Variants in CDC42BPA observed in about 807,000 individuals in gnomAD.
CDC42BPA encodes the protein CDC42 binding protein kinase alpha, also known as serine/threonine-protein kinase MRCK alpha.
Under a neutral mutation model 223.5 loss-of-function variants are expected in CDC42BPA, and 80 were observed. The ratio of observed to expected loss-of-function variants is 0.36; its 90% CI spans 0.30 to 0.43. CDC42BPA has a LOEUF of 0.43. Ranked by LOEUF, CDC42BPA falls within the 20% of genes least tolerant of loss-of-function variation. CDC42BPA has a pLI of 1.00. For synonymous variants in CDC42BPA, 694 were observed against 718.6 expected, an observed-to-expected ratio of 0.97 and a Z score of 0.55; for missense variants, 1,743 against 2,099.9, an observed-to-expected ratio of 0.83 and a Z score of 3.32.
At chr1:227,146,954 T>A (rs1660814062) in intron 7 of CDC42BPA, among the ~76,000 whole-genome samples, 1 of 152,210 alleles carries the variant, frequency 6.6e-6, no homozygotes, top group East Asian at 1.9e-4. Context: ...ATTTTTCTTT[T>A]GATCTTTGCT....
chr1:227,028,121 C>CAAAA (rs10634100), intron 30 of CDC42BPA, among the ~76,000 whole-genome samples: 1 of 140,292 alleles, frequency 7.1e-6, no homozygotes, highest in Non-Finnish European at 1.5e-5. Flanking sequence ...CTCCATCTCT[C>CAAAA]AAAAAAAAAA....
chr1:227,228,285 G>A (rs1406053530), intron 2 of CDC42BPA, among the ~76,000 whole-genome samples: 7 of 152,162 alleles, frequency 4.6e-5, no homozygotes, highest in African/African-American at 1.4e-4. Flanking sequence ...TACAATATGT[G>A]GCTTTTTGTT....
intron 21 of CDC42BPA, among the ~76,000 whole-genome samples, chr1:227,054,063 A>G (rs1317737368): frequency 2.0e-5 from 3 of 151,906 alleles, no homozygotes; most frequent in Non-Finnish European, 2.9e-5. Flanking sequence ...TAAGGTATCT[A>G]AGTAGGGGAC....
At chr1:227,056,969 G>A (rs1390527871) in intron 21 of CDC42BPA, among the ~76,000 whole-genome samples, 1 of 152,108 alleles carries the variant, frequency 6.6e-6, no homozygotes, top group Non-Finnish European at 1.5e-5. Context: ...TATACATAAT[G>A]CACCTTGTTT....
intron 1 of CDC42BPA, among the ~76,000 whole-genome samples, chr1:227,275,258 A>C (rs1352340339): frequency 1.1e-5 from 1 of 91,104 alleles, no homozygotes; most frequent in East Asian, 3.7e-4. Context: ...GAGGGCATTT[A>C]GAATGGAATA....
intron 34 of CDC42BPA, among the ~76,000 whole-genome samples, chr1:227,014,603 C>T (rs1238800837): frequency 1.3e-5 from 2 of 151,910 alleles, no homozygotes; most frequent in African/African-American, 4.8e-5. Flanking sequence ...TGACTGCACA[C>T]CGAATTATAT....
chr1:227,275,502 A>G (rs1164489847), intron 1 of CDC42BPA, among the ~76,000 whole-genome samples: 2 of 147,950 alleles, frequency 1.4e-5, no homozygotes, highest in Admixed American at 1.4e-4. Context: ...CCAAAAATTC[A>G]CAAGATTGAT....
rs144944099 is a variant in CDC42BPA, at chr1:227,135,559, A to C, written c.1390+4017T>G. 3.8e-4 allele frequency among the ~76,000 whole-genome samples: 58 copies of C among 152,268 alleles called. No individual in the cohort carries two copies. The South Asian group carries it at 0.011, about 29-fold the overall frequency. On this transcript the variant is annotated intron_variant, in intron 10 of 36. Coordinates refer to ENST00000366766, the MANE Select transcript of CDC42BPA (RefSeq NM_001394014.1). ...TCAAAGGTAGGGTTGAGTCTAATTAAAAATGCAATTTAGGGGCAGGCACAG... is the reference window on the plus strand; with the variant it reads ...TCAAAGGTAGGGTTGAGTCTAATTACAAATGCAATTTAGGGGCAGGCACAG...
At chr1:227,018,767 CAT>C (rs1427447470) in intron 32 of CDC42BPA, among the ~76,000 whole-genome samples, 1 of 152,166 alleles carries the variant, frequency 6.6e-6, no homozygotes, top group African/African-American at 2.4e-5. Context: ...TCTTCCAGTG[CAT>C]ATACATTATG....
intron 1 of CDC42BPA, among the ~76,000 whole-genome samples, chr1:227,272,939 A>G (rs1360382375): frequency 1.3e-5 from 2 of 152,230 alleles, no homozygotes; most frequent in Non-Finnish European, 2.9e-5. Context: ...CAGAGACTAA[A>G]CTATTTACTA....
Position 227,068,512 on chromosome 1 carries a change from TAAGA to T in CDC42BPA, c.2904+1261_2904+1264del, listed in dbSNP as rs537881314. On this transcript the variant is annotated intron_variant, in intron 21 of 36. Coordinates refer to ENST00000366766, the MANE Select transcript of CDC42BPA (RefSeq NM_001394014.1). ...GATAAATCCTTCATTATATTTAAGA[TAAGA>T]AAGAAGCATATTTTGGCTCACATAA... 1.4e-3 allele frequency: 292 copies of T among 204,952 alleles called. 2 individuals are homozygous for T. Among genetic ancestry groups the T allele is most frequent in the African/African-American group, 6.5e-3 (274 of 42,036 alleles). The allele number at this position is 204,952 out of a possible 1,614,324, so 12.7% of individuals were successfully genotyped here.
chr1:227,068,949 G>A (rs1677688232), intron 21 of CDC42BPA: 1 of 155,206 alleles, frequency 6.4e-6, no homozygotes, highest in Admixed American at 6.6e-5. Context: ...TGCCCAAAAT[G>A]TAATAAAATG....
At chr1:227,105,679 C>T (rs1685796986) in intron 14 of CDC42BPA, among the ~76,000 whole-genome samples, 1 of 152,078 alleles carries the variant, frequency 6.6e-6, no homozygotes, top group African/African-American at 2.4e-5. Flanking sequence ...TAAATTATTT[C>T]ATATAAGTGG....
intron 1 of CDC42BPA, among the ~76,000 whole-genome samples, chr1:227,270,370 C>T (rs1001843232): frequency 6.6e-6 from 1 of 152,116 alleles, no homozygotes; most frequent in Admixed American, 6.6e-5. Context: ...ATAGGAAAGA[C>T]GGCACCTCCA....
In CDC42BPA at chr1:227,143,041, C is replaced by T; in HGVS notation, c.1144-17G>A. On this transcript the variant is annotated splice_polypyrimidine_tract_variant and intron_variant, in intron 8 of 36. Transcript: ENST00000366766. ...CATCGTTTCCTAAAGGAGGAAAAAA[C>T]ATCTGGTAAGAAATAGATAGCTATA... The T allele has an allele frequency of 1.3e-6, 2 of 1,492,758 alleles. No individual in the cohort carries two copies. The highest frequency in any genetic ancestry group is 1.8e-6 in the Non-Finnish European group (2 of 1,125,950). 92.5% of individuals were successfully genotyped at this position (1,492,758 alleles called of 1,614,324 possible). A position where few individuals can be genotyped will look rare whatever the true frequency, so the allele number is the denominator to read the frequency against.
rs1040804783 is a variant in CDC42BPA at position 226,994,698 on chromosome 1, A to AG, written c.5133+124dup. 1.4e-5 allele frequency: 14 copies of AG among 1,019,684 alleles called. No homozygotes were observed. The African/African-American group carries it at 2.3e-4, about 16-fold the overall frequency. 63.2% of individuals were successfully genotyped at this position (1,019,684 alleles called of 1,614,324 possible). ...CTGGCCTAGCTGCCCGCTGGCCAAG[A>AG]GTGAATGCTGGCCCCTGACCCCGAA... On this transcript the variant is annotated intron_variant, in intron 36 of 36. Transcript: ENST00000366766. This position sits in a 1 kb window ranked among gnomAD's most constrained non-coding sequence, Gnocchi z 4.0.
At chr1:227,027,058 G>A (rs1415072833) in intron 30 of CDC42BPA, among the ~76,000 whole-genome samples, 1 of 152,118 alleles carries the variant, frequency 6.6e-6, no homozygotes, top group Non-Finnish European at 1.5e-5. Context: ...CTCCTGAAGT[G>A]CTGGGATTAC....
At chr1:227,101,598 G>A (rs1685065061) in intron 14 of CDC42BPA, among the ~76,000 whole-genome samples, 1 of 152,046 alleles carries the variant, frequency 6.6e-6, no homozygotes, top group Admixed American at 6.6e-5. Context: ...AAATCTAACT[G>A]CATCCTAAAT....
At chr1:227,219,034 C>T (rs1675372192) in intron 2 of CDC42BPA, among the ~76,000 whole-genome samples, 2 of 152,160 alleles carry the variant, frequency 1.3e-5, no homozygotes, top group Admixed American at 6.5e-5. Flanking sequence ...AGTATGCCCA[C>T]ACCAGTTTGC....
Sources: gnomAD v4.1 joint callset for allele counts (sites outside exome capture counted in the v4.1 genomes callset) on GRCh38, gnomAD v4.1.1 for gene constraint, Gnocchi (gnomAD v3.1) non-coding constraint, MANE v1.5 for transcripts, NCBI Gene and HGNC (gene_info 2026-07-23, HGNC 2026-07-21) for gene names.